The following ABCB4 variants were observed in gnomAD, a reference collection of about 807,000 sequenced individuals.
ABCB4 encodes the protein phosphatidylcholine translocator ABCB4.
Under a neutral mutation model 145.7 loss-of-function variants are expected in ABCB4, and 76 were observed. The observed-to-expected ratio is 0.52, with a 90% CI of 0.43 to 0.63. The LOEUF (loss-of-function observed/expected upper bound fraction) is 0.63, where lower values mean the gene tolerates loss of function less well. Among genes scored for constraint, ABCB4 ranks in the 30% least tolerant of loss-of-function variants. The probability of loss-of-function intolerance (pLI) is 0.00; values close to 1 mark genes in which losing one functional copy is unlikely to be tolerated. For missense variants in ABCB4, 1,234 were observed against 1,553.1 expected (o/e 0.79, Z 3.45); for synonymous variants, 517 against 566.8 (o/e 0.91, Z 1.25).
At chr7:87,419,789 A>G (rs953470002) in intron 19 of ABCB4, among the ~76,000 whole-genome samples, 1 of 46,928 alleles carries the variant, frequency 2.1e-5, no homozygotes, top group African/African-American at 6.7e-5. Flanking sequence ...TATTTCTATG[A>G]AAAAAAACAA....
rs751466417 is a variant in ABCB4 at position 87,403,259 on chromosome 7, T to C, written c.3509A>G (p.Asp1170Gly). Residue 1170 changes from aspartate (D) to glycine (G), a missense_variant, in exon 27 of 28, where the codon GAT (aspartate) becomes GGT (glycine). This residue lies in a region of ABCB4 where 301 missense variants were observed against 389.0 expected (regional missense o/e 0.77). Transcript: ENST00000649586. ...ACCTCCTGAGAGCTGAGTCCCCTTA[T>C]CTCCCACTCTTGTTTCATATTTCTG... Reference protein sequence around the residue: ...LPHKYETRVGDKGTQLSGGQK... With the variant: ...LPHKYETRVGGKGTQLSGGQK... 8.1e-6 allele frequency: 13 copies of C among 1,613,882 alleles called. No homozygotes were observed. The African/African-American group carries it at 1.6e-4, about 20-fold the overall frequency.
chr7:87,472,036 C>T (rs888271838), intron 3 of ABCB4, among the ~76,000 whole-genome samples: 1 of 152,220 alleles, frequency 6.6e-6, no homozygotes, highest in South Asian at 2.1e-4. Context: ...CATTGTGCTA[C>T]TAACACAATT....
In ABCB4 at chr7:87,446,936, T is replaced by C. The variant is rs45505300; in HGVS notation, c.1005+98A>G. 3.6e-3 allele frequency: 4,130 copies of C among 1,136,808 alleles called. 71 individuals are homozygous for C. In the African/African-American group the frequency reaches 0.041, roughly 11 times the overall value. The allele number at this position is 1,136,808 out of a possible 1,614,324, so 70.4% of individuals were successfully genotyped here. Reference sequence around the variant, plus strand: ...CACCAAAAACAAAAACCTATAATCATGTTCATCTTTCAAAAAGGAGCGATA... The same window carrying C: ...CACCAAAAACAAAAACCTATAATCACGTTCATCTTTCAAAAAGGAGCGATA... On this transcript the variant is annotated intron_variant, in intron 9 of 27. Transcript: ENST00000649586.
chr7:87,377,478 T>G, the ABCB4 span: 1 of 1,327,580 alleles, frequency 7.5e-7, no homozygotes, highest in Non-Finnish European at 1.1e-6. Context: ...ATTTTTCTCT[T>G]TTGATCTTTT....
chr7:87,397,937 C>T (rs1807595856), downstream of ABCB4, among the ~76,000 whole-genome samples: 1 of 152,160 alleles, frequency 6.6e-6, no homozygotes, highest in Admixed American at 6.5e-5. Flanking sequence ...AGTCAGGCTT[C>T]TCTCCTATTT....
At chr7:87,394,344 C>T in the ABCB4 span, among the ~76,000 whole-genome samples, 1 of 152,090 alleles carries the variant, frequency 6.6e-6, no homozygotes, top group East Asian at 1.9e-4. Flanking sequence ...ATGTATTTTT[C>T]ATTGTGGGTA....
the ABCB4 span, among the ~76,000 whole-genome samples, chr7:87,392,123 CT>C: frequency 4.8e-3 from 728 of 152,058 alleles, 2 homozygotes; most frequent in Non-Finnish European, 7.7e-3. Flanking sequence ...GTTTCATACT[CT>C]TTTTTTTGAA....
downstream of ABCB4, among the ~76,000 whole-genome samples, chr7:87,401,056 T>A (rs759232196): frequency 3.3e-5 from 5 of 152,228 alleles, no homozygotes; most frequent in Non-Finnish European, 7.3e-5. Context: ...TTGGGTATCA[T>A]TATACAGGAA....
chr7:87,411,330 G>T (rs963748211), intron 23 of ABCB4, among the ~76,000 whole-genome samples: 24 of 152,056 alleles, frequency 1.6e-4, no homozygotes, highest in African/African-American at 5.3e-4. Flanking sequence ...CAACCTAATG[G>T]AATGTGCTGA....
the ABCB4 span, chr7:87,375,789 T>G: frequency 2.5e-6 from 4 of 1,612,720 alleles, no homozygotes; most frequent in Non-Finnish European, 3.4e-6. Flanking sequence ...GTATTGTATT[T>G]CAGTTGTAAT....
intron 15 of ABCB4, 61 bp from the exon 16 acceptor site, chr7:87,426,981 C>G (rs199538241): frequency 4.1e-5 from 21 of 515,692 alleles, no homozygotes; most frequent in South Asian, 2.5e-4. Flanking sequence ...GTGTGTGTGT[C>G]TCCAAATGGA....
the ABCB4 span, chr7:87,382,586 A>G: frequency 2.0e-5 from 31 of 1,561,624 alleles, no homozygotes; most frequent in East Asian, 1.6e-4. Flanking sequence ...TTGAAGTCCA[A>G]GGGTATATCT....
At chr7:87,391,666 T>C in the ABCB4 span, 3 of 1,611,948 alleles carry the variant, frequency 1.9e-6, no homozygotes, top group South Asian at 3.3e-5. Context: ...TCATGCACAG[T>C]TGAAGCAGTG....
chr7:87,442,095 G>A (rs1315190286), intron 12 of ABCB4, among the ~76,000 whole-genome samples: 1 of 151,936 alleles, frequency 6.6e-6, no homozygotes, highest in East Asian at 1.9e-4. Context: ...GTTAACATAT[G>A]CTTTCTTTAA....
chr7:87,433,026 T>C, intron 14 of ABCB4, among the ~76,000 whole-genome samples: 1 of 152,140 alleles, frequency 6.6e-6, no homozygotes, highest in East Asian at 1.9e-4. Flanking sequence ...GAATGGGTAA[T>C]TTGATCAATA....
At chr7:87,414,920 C>T (rs45467096) in intron 21 of ABCB4, among the ~76,000 whole-genome samples, 3 of 152,170 alleles carry the variant, frequency 2.0e-5, no homozygotes, top group East Asian at 3.9e-4. Flanking sequence ...ATGAGAGAAC[C>T]GAGGCACAGA....
At position 87,422,232 on chromosome 7, in the gene ABCB4, A is replaced by G; in HGVS notation, c.2212-7T>C. ...CATCGCCTGGTCCAAAAATCTACAA[A>G]AGAATATTTAAAACGCCCACTTGGA... On this transcript the variant is annotated splice_polypyrimidine_tract_variant and splice_region_variant and intron_variant, in intron 17 of 27. Coordinates refer to ENST00000649586, the MANE Select transcript of ABCB4 (RefSeq NM_000443.4). 6.2e-7 allele frequency: 1 copy of G among 1,607,290 alleles called. No individual in the cohort carries two copies. The highest frequency in any genetic ancestry group is 8.5e-7 in the Non-Finnish European group (1 of 1,174,342).
At chr7:87,373,292 T>G in the ABCB4 span, among the ~76,000 whole-genome samples, 1 of 152,164 alleles carries the variant, frequency 6.6e-6, no homozygotes, top group Non-Finnish European at 1.5e-5. Context: ...AGTTTGTTTT[T>G]TTATTATTGA....
chr7:87,427,617 A>G (rs1809930489), intron 15 of ABCB4, among the ~76,000 whole-genome samples: 1 of 152,086 alleles, frequency 6.6e-6, no homozygotes, highest in Non-Finnish European at 1.5e-5. Context: ...GATGTGTCCA[A>G]CTACACATCT....
Sources: allele counts gnomAD v4.1 joint callset (sites outside exome capture counted in the v4.1 genomes callset), GRCh38; gene constraint gnomAD v4.1.1; regional missense constraint gnomAD v4.1.1; transcripts MANE v1.5; gene names NCBI Gene and HGNC (gene_info 2026-07-23, HGNC 2026-07-21).